DIPK1A: variants seen among roughly 807,000 people sequenced by gnomAD.
DIPK1A encodes divergent protein kinase domain 1A.
DIPK1A carries 27 observed loss-of-function variants against 40.8 expected under a neutral mutation model. The ratio of observed to expected loss-of-function variants is 0.66; its 90% CI spans 0.49 to 0.91. DIPK1A has a LOEUF of 0.91. Among genes scored for constraint, DIPK1A ranks in the 40% least tolerant of loss-of-function variants. DIPK1A has a pLI of 0.00. For synonymous variants in DIPK1A, 166 were observed against 171.3 expected (o/e 0.97, Z 0.24); for missense variants, 412 against 505.7 (o/e 0.81, Z 1.78).
At chr1:92,835,770 G>T (rs2100683460) in intron 4 of DIPK1A, among the ~76,000 whole-genome samples, 1 of 151,740 alleles carries the variant, frequency 6.6e-6, no homozygotes, top group South Asian at 2.1e-4. Context: ...ATGGGATTTT[G>T]CCTTGTTTTT....
At chr1:92,954,495 C>A (rs1320508825) in intron 1 of DIPK1A, among the ~76,000 whole-genome samples, 1 of 149,986 alleles carries the variant, frequency 6.7e-6, no homozygotes, top group Admixed American at 6.7e-5. Flanking sequence ...CCACCTCAGC[C>A]TCCCAAGTAG....
chr1:92,846,823 A>ACG lies in DIPK1A; in HGVS notation c.474+359_474+360insCG, dbSNP rs1557449796. 5.1e-3 allele frequency among the ~76,000 whole-genome samples: 20 copies of ACG among 3,912 alleles called. 5 individuals are homozygous for ACG. The highest frequency in any genetic ancestry group is 0.029 in the African/African-American group (20 of 696). 2.6% of individuals were successfully genotyped at this position (3,912 alleles called of 152,430 possible). On this transcript the variant is annotated intron_variant, in intron 4 of 4. Transcript: ENST00000370310. ...TATATATATATATATATATATATAT[A>ACG]TATATATATATATATATATGTGTGT... is the stretch of plus-strand genomic sequence containing the variant.
At chr1:92,841,637 A>C (rs1033993511), downstream of DIPK1A, 1 of 559,526 alleles carries the variant, frequency 1.8e-6, no homozygotes, top group East Asian at 3.8e-5. Flanking sequence ...TTGAACTTGG[A>C]TTATTTAACC....
intron 2 of DIPK1A, among the ~76,000 whole-genome samples, chr1:92,868,581 C>T (rs2811600): frequency 0.69 from 104,281 of 152,072 alleles, 36,260 homozygotes; most frequent in East Asian, 0.95. Context: ...CTCTACGAAA[C>T]ATTGCTATTA....
chr1:92,954,659 G>A (rs1278303188), intron 1 of DIPK1A, among the ~76,000 whole-genome samples: 1 of 152,086 alleles, frequency 6.6e-6, no homozygotes, highest in Admixed American at 6.5e-5. Context: ...ACAGACGTGA[G>A]CCTCCGTGCC....
chr1:92,878,764 T>TG (rs1172766601), intron 1 of DIPK1A, among the ~76,000 whole-genome samples: 1 of 151,862 alleles, frequency 6.6e-6, no homozygotes, highest in Non-Finnish European at 1.5e-5. Flanking sequence ...GAGCCTGCAG[T>TG]GAGCCGAGAT....
At chr1:92,866,789 C>G (rs2100757484) in intron 2 of DIPK1A, among the ~76,000 whole-genome samples, 2 of 152,312 alleles carry the variant, frequency 1.3e-5, no homozygotes, top group Non-Finnish European at 2.9e-5. Flanking sequence ...ACAGCAGCTT[C>G]AGCCAATGCC....
chr1:92,889,346 GGTTTATTGGTCT>G (rs1329252999), intron 1 of DIPK1A, among the ~76,000 whole-genome samples: 22 of 152,100 alleles, frequency 1.4e-4, no homozygotes, highest in African/African-American at 5.3e-4. Flanking sequence ...CTGTACCACT[GGTTTATTGGTCT>G]GTTTTTATGG....
chr1:92,959,597 GC>G (rs1208837638), intron 1 of DIPK1A, among the ~76,000 whole-genome samples: 1 of 147,928 alleles, frequency 6.8e-6, no homozygotes, highest in Non-Finnish European at 1.5e-5. Flanking sequence ...GACTACAGGC[GC>G]CCGCCACCAC....
In DIPK1A at chr1:92,927,078, GA is replaced by G. The variant is rs200920238; in HGVS notation, c.54+34297del. Among the ~76,000 whole-genome samples the G allele has an allele frequency of 4.8e-3, 716 of 149,808 alleles. 4 individuals carry two copies. The highest frequency in any genetic ancestry group is 0.016 in the East Asian group (83 of 5,128). On this transcript the variant is annotated intron_variant, in intron 1 of 4. Transcript: ENST00000370310. ...CTCTGTTCCTCTTTTGGGGTGAACT[GA>G]AAAAAAAAATTTAGTATTCTTATTG... is the stretch of plus-strand genomic sequence containing the variant.
intron 2 of DIPK1A, among the ~76,000 whole-genome samples, chr1:92,859,556 T>C (rs1688100294): frequency 6.6e-6 from 1 of 152,212 alleles, no homozygotes; most frequent in Non-Finnish European, 1.5e-5. Flanking sequence ...AAATCAGGAA[T>C]GCACAGGTGC....
intron 1 of DIPK1A, among the ~76,000 whole-genome samples, chr1:92,887,288 T>C (rs1648655026): frequency 2.8e-5 from 4 of 145,222 alleles, no homozygotes; most frequent in Admixed American, 6.9e-5. Flanking sequence ...TAGCTAGGCA[T>C]AGTGGCATGT....
intron 1 of DIPK1A, among the ~76,000 whole-genome samples, chr1:92,878,673 A>G (rs1648233510): frequency 6.6e-6 from 1 of 152,134 alleles, no homozygotes; most frequent in Non-Finnish European, 1.5e-5. Context: ...ACAAAAAATT[A>G]GCCGGGCGAG....
intron 1 of DIPK1A, among the ~76,000 whole-genome samples, chr1:92,913,386 G>A (rs371557620): frequency 2.1e-5 from 3 of 145,366 alleles, no homozygotes; most frequent in African/African-American, 5.2e-5. Flanking sequence ...AAAAAAAAAA[G>A]GGGAAAATAC....
intron 2 of DIPK1A, among the ~76,000 whole-genome samples, chr1:92,855,069 G>GA (rs1036216084): frequency 6.2e-5 from 9 of 145,390 alleles, no homozygotes; most frequent in East Asian, 2.0e-4. Context: ...AAAGAAAAGA[G>GA]AAAAAAAAAG....
chr1:92,936,577 C>T (rs571097616), intron 1 of DIPK1A, among the ~76,000 whole-genome samples: 20 of 147,742 alleles, frequency 1.4e-4, no homozygotes, highest in African/African-American at 3.8e-4. Flanking sequence ...TGCGATGGGC[C>T]GAGATCACAC....
At chr1:92,839,914 C>T (rs1459012696), downstream of DIPK1A, among the ~76,000 whole-genome samples, 1 of 151,304 alleles carries the variant, frequency 6.6e-6, no homozygotes, top group African/African-American at 2.4e-5. Context: ...AATTATAGCT[C>T]ATTGCAACTT....
chr1:92,878,040 G>GA (rs1307920691), intron 1 of DIPK1A, among the ~76,000 whole-genome samples: 1 of 152,166 alleles, frequency 6.6e-6, no homozygotes. Context: ...AAAGAAAACT[G>GA]AATCTGAATC....
chr1:92,844,940 CTTTTTTTTTTT>C (rs71094206), intron 4 of DIPK1A, among the ~76,000 whole-genome samples: 2 of 94,080 alleles, frequency 2.1e-5, no homozygotes, highest in Admixed American at 2.8e-4. Context: ...ATTAGTATTT[CTTTTTTTTTTT>C]TTTTTTTTTT....
Sources: allele counts gnomAD v4.1 joint callset (sites outside exome capture counted in the v4.1 genomes callset), GRCh38; gene constraint gnomAD v4.1.1; transcripts MANE v1.5; gene names NCBI Gene and HGNC (gene_info 2026-07-23, HGNC 2026-07-21).